MAF: variants seen among roughly 807,000 people sequenced by gnomAD.
MAF encodes MAF bZIP transcription factor.
MAF carries 10 observed loss-of-function variants against 22.0 expected under a neutral mutation model. That is an observed-to-expected ratio of 0.45 (90% CI 0.28 to 0.77). MAF has a LOEUF of 0.77. MAF is among the 30% of genes least tolerant of loss of function. The pLI, the probability that MAF is intolerant of heterozygous loss-of-function variation, is 0.12. For synonymous variants in MAF, 337 were observed against 255.8 expected (o/e 1.32, Z -3.03); for missense variants, 544 against 548.4 (o/e 0.99, Z 0.08).
the MAF span, among the ~76,000 whole-genome samples, chr16:79,472,574 A>T: frequency 1.3e-5 from 2 of 152,184 alleles, no homozygotes; most frequent in Non-Finnish European, 2.9e-5. Context: ...AGGCAAATTT[A>T]TACAGACAGG....
chr16:79,420,553 G>A, the MAF span, among the ~76,000 whole-genome samples: 6 of 150,796 alleles, frequency 4.0e-5, no homozygotes, highest in Middle Eastern at 3.4e-3. Flanking sequence ...CTCCCCCTAC[G>A]GCCTCCCCCA....
At chr16:79,339,719 C>A in the MAF span, among the ~76,000 whole-genome samples, 2 of 152,236 alleles carry the variant, frequency 1.3e-5, no homozygotes, top group African/African-American at 4.8e-5. Context: ...AGGGAGAATG[C>A]AGTACACCAG....
At chr16:79,491,066 C>T in the MAF span, among the ~76,000 whole-genome samples, 4 of 152,086 alleles carry the variant, frequency 2.6e-5, no homozygotes, top group South Asian at 4.2e-4. Context: ...GTCTGAATTC[C>T]GAAAGGATAG....
the MAF span, among the ~76,000 whole-genome samples, chr16:79,246,302 G>A: frequency 6.6e-6 from 1 of 152,088 alleles, no homozygotes; most frequent in East Asian, 1.9e-4. Flanking sequence ...TTTAGAAAAA[G>A]AGTCCATCTG....
At chr16:79,262,454 G>A in the MAF span, among the ~76,000 whole-genome samples, 2 of 152,174 alleles carry the variant, frequency 1.3e-5, no homozygotes, top group African/African-American at 4.8e-5. Flanking sequence ...TGGACCTGGG[G>A]AGAAAGCCTT....
chr16:79,214,286 G>A, the MAF span, among the ~76,000 whole-genome samples: 1 of 152,070 alleles, frequency 6.6e-6, no homozygotes, highest in Non-Finnish European at 1.5e-5. Flanking sequence ...ACAGTACCTT[G>A]AACTGCTCCT....
chr16:79,225,369 G>C, the MAF span, among the ~76,000 whole-genome samples: 38 of 152,134 alleles, frequency 2.5e-4, no homozygotes, highest in African/African-American at 9.2e-4. Flanking sequence ...ACTCAAGCTG[G>C]ATTAAAGACC....
chr16:79,335,016 C>A, the MAF span, among the ~76,000 whole-genome samples: 1 of 151,594 alleles, frequency 6.6e-6, no homozygotes, highest in African/African-American at 2.4e-5. Context: ...GAAACCCTGT[C>A]TCTACTAAAA....
At chr16:79,419,213 C>G in the MAF span, among the ~76,000 whole-genome samples, 4 of 152,118 alleles carry the variant, frequency 2.6e-5, no homozygotes, top group Non-Finnish European at 5.9e-5. Context: ...ATGGGCCAAA[C>G]ACAGCAGTTT....
chr16:79,338,253 G>A, the MAF span, among the ~76,000 whole-genome samples: 3 of 152,192 alleles, frequency 2.0e-5, no homozygotes, highest in Non-Finnish European at 2.9e-5. Flanking sequence ...AAGAAATTGC[G>A]TGAGGTCTGA....
the MAF span, among the ~76,000 whole-genome samples, chr16:79,285,199 G>A: frequency 2.0e-5 from 3 of 152,072 alleles, no homozygotes; most frequent in Admixed American, 2.0e-4. Flanking sequence ...AGCTTTTAAA[G>A]AAATATTGCC....
chr16:79,551,066 C>G, the MAF span, among the ~76,000 whole-genome samples: 2 of 152,194 alleles, frequency 1.3e-5, no homozygotes. Context: ...AAGCTACACA[C>G]TGGGAACCAC....
chr16:79,208,251 C>T, the MAF span, among the ~76,000 whole-genome samples: 1 of 152,150 alleles, frequency 6.6e-6, no homozygotes, highest in East Asian at 1.9e-4. Context: ...TTCTGGGCTT[C>T]CCAGAAATTC....
At chr16:79,539,707 T>G in the MAF span, among the ~76,000 whole-genome samples, 1 of 152,202 alleles carries the variant, frequency 6.6e-6, no homozygotes, top group African/African-American at 2.4e-5. Flanking sequence ...ATAGTTTCAT[T>G]CATAAAGTAT....
chr16:79,244,138 T>C, the MAF span, among the ~76,000 whole-genome samples: 9 of 152,088 alleles, frequency 5.9e-5, no homozygotes, highest in Admixed American at 5.9e-4. Context: ...TGGAAGCATG[T>C]CTTTTGAAAA....
the MAF span, among the ~76,000 whole-genome samples, chr16:79,267,273 C>G: frequency 1.3e-5 from 2 of 152,186 alleles, 1 homozygote; most frequent in Non-Finnish European, 2.9e-5. Flanking sequence ...ATGAAAATCA[C>G]TCTATGGAGG....
chr16:79,574,604 C>A, the MAF span, among the ~76,000 whole-genome samples: 31,219 of 151,954 alleles, frequency 0.21, 3,505 homozygotes, highest in South Asian at 0.29. Flanking sequence ...GCTCAATTGA[C>A]CCATTTTCCA....
the MAF span, among the ~76,000 whole-genome samples, chr16:79,452,203 G>A: frequency 3.3e-5 from 5 of 152,134 alleles, no homozygotes; most frequent in Admixed American, 6.5e-5. Flanking sequence ...GCTGACCCCT[G>A]ACAGAGTAGA....
At chr16:79,220,739 T>C in the MAF span, among the ~76,000 whole-genome samples, 1 of 152,204 alleles carries the variant, frequency 6.6e-6, no homozygotes, top group Non-Finnish European at 1.5e-5. Context: ...TTTAAGGCTC[T>C]GGGTAGTTAC....
Sources: allele counts gnomAD v4.1 joint callset (sites outside exome capture counted in the v4.1 genomes callset), GRCh38; gene constraint gnomAD v4.1.1; transcripts MANE v1.5; gene names NCBI Gene and HGNC (gene_info 2026-07-23, HGNC 2026-07-21).